EDIL3: variants seen among roughly 807,000 people sequenced by gnomAD.
The protein encoded by EDIL3 is EGF-like repeat and discoidin I-like domain-containing protein 3.
EDIL3 carries 37 observed loss-of-function variants against 67.4 expected under a neutral mutation model. That is an observed-to-expected ratio of 0.55 (90% CI 0.42 to 0.72). The LOEUF (loss-of-function observed/expected upper bound fraction) is 0.72, where lower values mean the gene tolerates loss of function less well. EDIL3 is among the 30% of genes least tolerant of loss of function. The pLI is 0.00. For synonymous variants in EDIL3, 195 were observed against 196.3 expected, an observed-to-expected ratio of 0.99 and a Z score of 0.05; for missense variants, 527 against 586.3, an observed-to-expected ratio of 0.90 and a Z score of 1.04.
chr5:84,219,125 C>A (rs1223116800), intron 3 of EDIL3, among the ~76,000 whole-genome samples: 1 of 152,110 alleles, frequency 6.6e-6, no homozygotes, highest in Non-Finnish European at 1.5e-5. Flanking sequence ...GCTTGTGTCA[C>A]CCCCTCCCCC....
At chr5:84,311,312 C>CTTT (rs900034474) in intron 1 of EDIL3, among the ~76,000 whole-genome samples, 12 of 93,890 alleles carry the variant, frequency 1.3e-4, no homozygotes, top group South Asian at 3.3e-4. Context: ...AATGTATTTT[C>CTTT]TTTTTTTTTT....
intron 6 of EDIL3, among the ~76,000 whole-genome samples, chr5:84,080,115 C>CAAA (rs10566347): frequency 4.9e-4 from 26 of 52,962 alleles, no homozygotes; most frequent in Admixed American, 1.3e-3. Flanking sequence ...ACTAAAAATA[C>CAAA]AAAAAAAAAA....
intron 5 of EDIL3, among the ~76,000 whole-genome samples, chr5:84,110,416 C>T (rs1015762504): frequency 1.3e-5 from 2 of 151,928 alleles, no homozygotes; most frequent in African/African-American, 4.8e-5. Context: ...GAATATACAC[C>T]TAAGATTAAG....
intron 4 of EDIL3, among the ~76,000 whole-genome samples, chr5:84,154,032 C>G (rs888727344): frequency 1.3e-5 from 2 of 152,100 alleles, no homozygotes; most frequent in African/African-American, 4.8e-5. Context: ...GAAGTCAGCT[C>G]CCTGTGTGAT....
intron 1 of EDIL3, among the ~76,000 whole-genome samples, chr5:84,271,462 T>TAAATAAATAA (rs1561241436): frequency 8.7e-5 from 12 of 138,528 alleles, no homozygotes; most frequent in African/African-American, 3.2e-4. Context: ...TAAATAAATA[T>TAAATAAATAA]AAAATAAAGG....
At chr5:84,051,035 C>T (rs1431456548) in intron 9 of EDIL3, among the ~76,000 whole-genome samples, 1 of 152,216 alleles carries the variant, frequency 6.6e-6, no homozygotes, top group Non-Finnish European at 1.5e-5. Flanking sequence ...TTGCTGACCC[C>T]TGAGTAGCCT....
chr5:83,994,084 T>G (rs1025233194), intron 9 of EDIL3, among the ~76,000 whole-genome samples: 1 of 152,180 alleles, frequency 6.6e-6, no homozygotes, highest in African/African-American at 2.4e-5. Flanking sequence ...TAAACGGTCA[T>G]TGAAAACCTT....
intron 2 of EDIL3, among the ~76,000 whole-genome samples, chr5:84,245,311 T>C (rs1744887027): frequency 6.6e-6 from 1 of 152,192 alleles, no homozygotes; most frequent in Non-Finnish European, 1.5e-5. Context: ...TCTTCATGTG[T>C]ATTTTTCTTT....
intron 4 of EDIL3, among the ~76,000 whole-genome samples, chr5:84,147,088 T>G (rs2044218848): frequency 6.6e-6 from 1 of 152,044 alleles, no homozygotes; most frequent in African/African-American, 2.4e-5. Context: ...GACTTGCTCT[T>G]TGTATAGTTT....
chr5:84,213,286 A>G (rs904292720), intron 3 of EDIL3, among the ~76,000 whole-genome samples: 1 of 151,562 alleles, frequency 6.6e-6, no homozygotes, highest in Non-Finnish European at 1.5e-5. Context: ...ATGTTTCTGG[A>G]AAAAAAAATC....
At chr5:84,075,970 A>AT (rs1746849692) in intron 6 of EDIL3, among the ~76,000 whole-genome samples, 1 of 143,310 alleles carries the variant, frequency 7.0e-6, no homozygotes, top group Non-Finnish European at 1.5e-5. Context: ...TATATATATA[A>AT]ATATTTATCA....
At chr5:83,945,855 A>C (rs904529933) in intron 10 of EDIL3, among the ~76,000 whole-genome samples, 4 of 151,970 alleles carry the variant, frequency 2.6e-5, no homozygotes, top group Admixed American at 6.6e-5. Flanking sequence ...GAATCACAGA[A>C]TTTACAGCCT....
At chr5:84,013,215 T>C (rs918939850) in intron 9 of EDIL3, among the ~76,000 whole-genome samples, 1 of 151,972 alleles carries the variant, frequency 6.6e-6, no homozygotes, top group African/African-American at 2.4e-5. Flanking sequence ...TAACGTATCC[T>C]GTACATATAT....
chr5:84,022,640 CACAG>C (rs140384008), intron 9 of EDIL3, among the ~76,000 whole-genome samples: 4,692 of 151,800 alleles, frequency 0.031, 244 homozygotes, highest in African/African-American at 0.1. Context: ...ATAAGCCAGG[CACAG>C]ACAGACAGAC....
At chr5:84,377,289 G>T (rs1242906210) in intron 1 of EDIL3, among the ~76,000 whole-genome samples, 1 of 150,744 alleles carries the variant, frequency 6.6e-6, no homozygotes, top group Non-Finnish European at 1.5e-5. Context: ...CTGCAGCCTG[G>T]GTAGCGAGAC....
intron 9 of EDIL3, among the ~76,000 whole-genome samples, chr5:84,052,223 A>T (rs1366289706): frequency 6.6e-6 from 1 of 152,204 alleles, no homozygotes; most frequent in Non-Finnish European, 1.5e-5. Context: ...TTCATAAGTG[A>T]AGGAGAAATA....
chr5:84,045,684 T>A (rs995498072), intron 9 of EDIL3, among the ~76,000 whole-genome samples: 1 of 152,196 alleles, frequency 6.6e-6, no homozygotes, highest in African/African-American at 2.4e-5. Flanking sequence ...GAAGACACAC[T>A]ATGCTAAAGA....
chr5:84,383,437 T>C (rs1480426904), intron 1 of EDIL3, among the ~76,000 whole-genome samples: 1 of 152,252 alleles, frequency 6.6e-6, no homozygotes, highest in Non-Finnish European at 1.5e-5. Flanking sequence ...TCCTGCGTTT[T>C]CTTTTAAATG....
At chr5:84,206,741 T>C (rs1357007729) in intron 3 of EDIL3, among the ~76,000 whole-genome samples, 4 of 152,116 alleles carry the variant, frequency 2.6e-5, no homozygotes, top group Admixed American at 6.5e-5. Context: ...ACTGGTTCAA[T>C]ATACACAAAT....
Sources: gnomAD v4.1 joint callset for allele counts (sites outside exome capture counted in the v4.1 genomes callset) on GRCh38, gnomAD v4.1.1 for gene constraint, MANE v1.5 for transcripts, NCBI Gene and HGNC (gene_info 2026-07-23, HGNC 2026-07-21) for gene names.